Variants in RFX7 observed in about 807,000 individuals in gnomAD.
The protein encoded by RFX7 is DNA-binding protein RFX7.
Under a neutral mutation model 111.8 loss-of-function variants are expected in RFX7, and 26 were observed. That is an observed-to-expected ratio of 0.23 (90% CI 0.17 to 0.32). The LOEUF (loss-of-function observed/expected upper bound fraction) is 0.32, where lower values mean the gene tolerates loss of function less well. Among genes scored for constraint, RFX7 ranks in the 10% least tolerant of loss-of-function variants. The probability of loss-of-function intolerance (pLI) is 1.00; values close to 1 mark genes in which losing one functional copy is unlikely to be tolerated. For missense variants in RFX7, 1,573 were observed against 1,772.9 expected, an observed-to-expected ratio of 0.89 and a Z score of 2.02; for synonymous variants, 624 against 624.4, an observed-to-expected ratio of 1.00 and a Z score of 0.01.
In RFX7 at chr15:56,087,594, G is replaced by C; in HGVS notation, c.*5751C>G. 1 of 456,072 alleles carries C rather than the reference G, an allele frequency of 2.2e-6. No individual in the cohort carries two copies. The highest frequency in any genetic ancestry group is 4.4e-6 in the Non-Finnish European group (1 of 226,506). 28.3% of individuals were successfully genotyped at this position (456,072 alleles called of 1,614,324 possible). ...CTCCACTTAACTGCAAGGGAAGTTG[G>C]CAGATGCAGCCTTTTGGTCAGATGG... On this transcript the variant is annotated 3_prime_UTR_variant, in exon 10 of 10. Transcript: ENST00000559447.
intron 5 of RFX7, among the ~76,000 whole-genome samples, chr15:56,130,471 C>T (rs945987422): frequency 7.2e-5 from 11 of 151,750 alleles, no homozygotes; most frequent in South Asian, 2.1e-4. Flanking sequence ...AAAAGCAAAA[C>T]GATAATTCCA....
intron 2 of RFX7, chr15:56,192,360 TA>T: frequency 4.4e-6 from 1 of 229,834 alleles, no homozygotes. Flanking sequence ...CATGTATTTG[TA>T]AAATCCTTCT....
intron 2 of RFX7, among the ~76,000 whole-genome samples, chr15:56,206,186 G>A (rs2043249378): frequency 1.3e-5 from 2 of 152,104 alleles, no homozygotes; most frequent in Non-Finnish European, 2.9e-5. Context: ...AGCAATGCAT[G>A]TGTCTATTGA....
chr15:56,194,077 T>C (rs1426072863), intron 2 of RFX7, among the ~76,000 whole-genome samples: 1 of 152,166 alleles, frequency 6.6e-6, no homozygotes, highest in African/African-American at 2.4e-5. Context: ...TTTAGATATC[T>C]TGTTTGCTAG....
intron 2 of RFX7, among the ~76,000 whole-genome samples, chr15:56,201,753 G>A (rs539496700): frequency 6.6e-6 from 1 of 152,220 alleles, no homozygotes; most frequent in East Asian, 1.9e-4. Flanking sequence ...AACACTGGCC[G>A]GGCGTGGTGG....
At chr15:56,163,646 A>C (rs1194363011) in intron 3 of RFX7, among the ~76,000 whole-genome samples, 3 of 152,214 alleles carry the variant, frequency 2.0e-5, no homozygotes, top group African/African-American at 7.2e-5. Context: ...AAAATAGAGT[A>C]ATCAAGGATG....
chr15:56,130,827 A>C (rs894260695), intron 5 of RFX7, among the ~76,000 whole-genome samples: 4 of 152,150 alleles, frequency 2.6e-5, no homozygotes, highest in Non-Finnish European at 5.9e-5. Flanking sequence ...AAAAGCATAT[A>C]AGAAGATACA....
chr15:56,185,115 A>G (rs1296761762), intron 2 of RFX7, among the ~76,000 whole-genome samples: 5 of 152,174 alleles, frequency 3.3e-5, no homozygotes, highest in African/African-American at 1.2e-4. Flanking sequence ...TTATCTTTCT[A>G]TTCCTGAAAA....
intron 3 of RFX7, among the ~76,000 whole-genome samples, chr15:56,175,406 A>T (rs1342025762): frequency 1.3e-5 from 2 of 152,176 alleles, no homozygotes; most frequent in African/African-American, 2.4e-5. Flanking sequence ...AACTTTTTTT[A>T]AAAATAAAAA....
At chr15:56,182,112 T>C (rs2042981129) in intron 2 of RFX7, among the ~76,000 whole-genome samples, 1 of 152,102 alleles carries the variant, frequency 6.6e-6, no homozygotes, top group African/African-American at 2.4e-5. Context: ...TACATTATGG[T>C]GAGTTATATA....
At chr15:56,174,269 A>T (rs866238012) in intron 3 of RFX7, among the ~76,000 whole-genome samples, 50 of 151,588 alleles carry the variant, frequency 3.3e-4, no homozygotes, top group African/African-American at 1.2e-3. Flanking sequence ...CAAAAGTGAA[A>T]CTCTGTCTCA....
chr15:56,094,880 G>A lies in RFX7; in HGVS notation c.2848C>T (p.Pro950Ser). 1.3e-6 allele frequency: 2 copies of A among 1,558,004 alleles called. No individual in the cohort carries two copies. Among genetic ancestry groups the A allele is most frequent in the Non-Finnish European group, 1.7e-6 (2 of 1,151,520 alleles). The change falls in exon 10 of 10, where the codon CCC becomes TCC. Residue 950 changes from proline (P) to serine (S), a missense_variant. Around this residue, in one of 7 missense-constraint regions of RFX7, gnomAD observed 625 missense variants for 632.2 expected, o/e 0.99. Coordinates refer to ENST00000559447, the MANE Select transcript of RFX7 (RefSeq NM_022841.7). ...SNGTPIHTPT[P>S]TPTPTPTPTP... ...GGAGTAGGAGTGGGTGTGGGTGTGG[G>A]TGTGGGTGTGTGGATTGGAGTGCCA...
intron 5 of RFX7, among the ~76,000 whole-genome samples, chr15:56,114,911 A>G (rs367837985): frequency 2.0e-5 from 3 of 152,220 alleles, no homozygotes; most frequent in Non-Finnish European, 4.4e-5. Flanking sequence ...GATTTTAAAA[A>G]GAAATTTGTG....
intron 3 of RFX7, among the ~76,000 whole-genome samples, chr15:56,163,290 G>C (rs539487198): frequency 6.6e-6 from 1 of 152,126 alleles, no homozygotes; most frequent in Admixed American, 6.5e-5. Flanking sequence ...ATTACTACTG[G>C]AGTGAACTAC....
intron 2 of RFX7, among the ~76,000 whole-genome samples, chr15:56,211,382 T>A (rs2043311995): frequency 6.6e-6 from 1 of 152,012 alleles, no homozygotes; most frequent in African/African-American, 2.4e-5. Context: ...TAGAGACAGA[T>A]CATACACTCA....
chr15:56,142,636 T>C (rs1456969376), intron 5 of RFX7, 142 bp downstream of exon 5: 1 of 707,232 alleles, frequency 1.4e-6, no homozygotes, highest in African/African-American at 1.8e-5. Flanking sequence ...AGCTTAGAGC[T>C]GGAATGAATC....
At chr15:56,170,603 C>G (rs751948727) in intron 3 of RFX7, among the ~76,000 whole-genome samples, 1 of 152,006 alleles carries the variant, frequency 6.6e-6, no homozygotes, top group Non-Finnish European at 1.5e-5. Context: ...AAGCACTGTT[C>G]GAGATCTCTG....
chr15:56,152,234 A>C (rs1233409370), intron 3 of RFX7, among the ~76,000 whole-genome samples: 3 of 152,200 alleles, frequency 2.0e-5, no homozygotes, highest in African/African-American at 7.2e-5. Context: ...CTCCACCCCA[A>C]ATCAACAGAG....
At chr15:56,149,307 TACA>T (rs2042533127) in intron 3 of RFX7, among the ~76,000 whole-genome samples, 1 of 152,186 alleles carries the variant, frequency 6.6e-6, no homozygotes, top group African/African-American at 2.4e-5. Flanking sequence ...CAGGCTTAGT[TACA>T]ACATCATAGA....
Sources: gnomAD v4.1 joint callset for allele counts (sites outside exome capture counted in the v4.1 genomes callset) on GRCh38, gnomAD v4.1.1 for gene constraint, gnomAD v4.1.1 regional missense constraint, MANE v1.5 for transcripts, NCBI Gene and HGNC (gene_info 2026-07-23, HGNC 2026-07-21) for gene names.